The following MARCHF3 variants were observed in gnomAD, a reference collection of about 807,000 sequenced individuals.
MARCHF3 encodes E3 ubiquitin-protein ligase MARCHF3.
A neutral mutation model predicts 24.2 loss-of-function variants in MARCHF3; 13 were observed. The observed-to-expected ratio is 0.54, with a 90% CI of 0.35 to 0.85. MARCHF3 has a LOEUF of 0.85. MARCHF3 is among the 40% of genes least tolerant of loss of function. MARCHF3 has a pLI of 0.01. For missense variants in MARCHF3, 276 were observed against 325.0 expected (o/e 0.85, Z 1.16); for synonymous variants, 144 against 137.3 (o/e 1.05, Z -0.34).
chr5:126,895,791 T>A (rs13163419), intron 3 of MARCHF3, among the ~76,000 whole-genome samples: 1 of 152,076 alleles, frequency 6.6e-6, no homozygotes, highest in African/African-American at 2.4e-5. Flanking sequence ...CCCCCAGAGG[T>A]GGAGCCTACA....
intron 1 of MARCHF3, among the ~76,000 whole-genome samples, chr5:126,977,849 A>C (rs898402442): frequency 2.0e-5 from 3 of 152,274 alleles, no homozygotes; most frequent in Middle Eastern, 3.2e-3. Context: ...GGATGCCTTC[A>C]ATGTATTAAG....
chr5:127,018,123 C>T (rs2126861744), intron 1 of MARCHF3, among the ~76,000 whole-genome samples: 1 of 152,342 alleles, frequency 6.6e-6, no homozygotes, highest in East Asian at 1.9e-4. Flanking sequence ...GCAATCCCAG[C>T]ACTTTGGGAG....
intron 3 of MARCHF3, among the ~76,000 whole-genome samples, chr5:126,894,722 T>G (rs1377270433): frequency 3.9e-5 from 6 of 152,060 alleles, no homozygotes; most frequent in African/African-American, 1.4e-4. Context: ...CCCTTAAGAT[T>G]TTTTCCTTCA....
chr5:126,921,029 A>T (rs780385497), intron 1 of MARCHF3, among the ~76,000 whole-genome samples: 5 of 151,530 alleles, frequency 3.3e-5, no homozygotes, highest in African/African-American at 4.9e-5. Context: ...CTCTTGGGCC[A>T]TATCTGCAGA....
At chr5:126,885,558 G>T (rs1051553713) in intron 3 of MARCHF3, among the ~76,000 whole-genome samples, 2 of 151,648 alleles carry the variant, frequency 1.3e-5, no homozygotes, top group African/African-American at 4.8e-5. Context: ...CAAGAGTGTT[G>T]ATTTAAAAAA....
At chr5:127,021,787 G>A (rs1008409330) in intron 1 of MARCHF3, among the ~76,000 whole-genome samples, 30 of 152,086 alleles carry the variant, frequency 2.0e-4, no homozygotes, top group African/African-American at 6.0e-4. Context: ...AGAAAAACCC[G>A]AAACTCACTG....
intron 3 of MARCHF3, among the ~76,000 whole-genome samples, chr5:126,890,012 G>A (rs924622157): frequency 2.0e-5 from 3 of 152,178 alleles, no homozygotes; most frequent in Middle Eastern, 3.4e-3. Context: ...ATCTAGATTA[G>A]TAGCATCCTC....
intron 1 of MARCHF3, among the ~76,000 whole-genome samples, chr5:126,964,496 T>C (rs1750739901): frequency 6.6e-6 from 1 of 152,214 alleles, no homozygotes; most frequent in African/African-American, 2.4e-5. Context: ...AAAATGGTCT[T>C]TAAATGGAAG....
At chr5:126,973,755 C>T (rs1751097712) in intron 1 of MARCHF3, among the ~76,000 whole-genome samples, 1 of 152,118 alleles carries the variant, frequency 6.6e-6, no homozygotes, top group African/African-American at 2.4e-5. Context: ...TTTTGTAGTT[C>T]ATCACCATCC....
intron 1 of MARCHF3, among the ~76,000 whole-genome samples, chr5:126,995,087 C>T (rs1418332968): frequency 6.6e-6 from 1 of 152,208 alleles, no homozygotes; most frequent in Non-Finnish European, 1.5e-5. Context: ...CTCTCCCAGT[C>T]CACTGACTCA....
chr5:126,903,356 A>G (rs992966013), intron 3 of MARCHF3, among the ~76,000 whole-genome samples: 2 of 152,072 alleles, frequency 1.3e-5, no homozygotes, highest in Non-Finnish European at 2.9e-5. Context: ...ATCCAACACA[A>G]TGCACTTATG....
In MARCHF3 at chr5:126,918,208, C is replaced by G; in HGVS notation, c.-37G>C. ...GCAATTACTCTGCTAATGGCTTCCACATTCATACAGGATTTCCATCTAAGA... is the reference window on the plus strand; with the variant it reads ...GCAATTACTCTGCTAATGGCTTCCAGATTCATACAGGATTTCCATCTAAGA... On this transcript the variant is annotated 5_prime_UTR_variant, in exon 2 of 5. It removes an upstream start codon present in the reference 5' UTR. Coordinates refer to ENST00000308660, the MANE Select transcript of MARCHF3 (RefSeq NM_178450.5). 6.3e-7 allele frequency: 1 copy of G among 1,586,704 alleles called. No individual in the cohort carries two copies. The highest frequency in any genetic ancestry group is 2.2e-5 in the East Asian group (1 of 44,468).
intron 3 of MARCHF3, among the ~76,000 whole-genome samples, chr5:126,911,862 A>G (rs1298912017): frequency 6.6e-6 from 1 of 152,246 alleles, no homozygotes; most frequent in African/African-American, 2.4e-5. Context: ...ATTGTACGCC[A>G]TACAGTATAT....
intron 4 of MARCHF3, among the ~76,000 whole-genome samples, chr5:126,872,173 A>G (rs1752998469): frequency 7.6e-6 from 1 of 131,840 alleles, no homozygotes; most frequent in South Asian, 2.6e-4. Context: ...TCTGTCTCCC[A>G]GGTTCAAGCG....
intron 4 of MARCHF3, among the ~76,000 whole-genome samples, chr5:126,874,306 G>A (rs1314425495): frequency 2.6e-5 from 4 of 152,212 alleles, no homozygotes; most frequent in Non-Finnish European, 5.9e-5. Context: ...CACAGCAGGC[G>A]GCCTGGTGCA....
At chr5:126,889,643 A>C (rs1753613683) in intron 3 of MARCHF3, among the ~76,000 whole-genome samples, 1 of 152,016 alleles carries the variant, frequency 6.6e-6, no homozygotes, top group Non-Finnish European at 1.5e-5. Context: ...AAACAGAGGA[A>C]CTCTTGGATT....
intron 3 of MARCHF3, among the ~76,000 whole-genome samples, chr5:126,890,281 G>T (rs533928128): frequency 6.6e-6 from 1 of 151,008 alleles, no homozygotes; most frequent in African/African-American, 2.4e-5. Context: ...TGAGGTAATG[G>T]TATGTTTTCT....
intron 1 of MARCHF3, among the ~76,000 whole-genome samples, chr5:127,009,699 A>C (rs1177621104): frequency 3.3e-5 from 5 of 152,030 alleles, no homozygotes; most frequent in Admixed American, 3.3e-4. Flanking sequence ...ACCAGCCAAC[A>C]CTCTGCCCCC....
intron 1 of MARCHF3, among the ~76,000 whole-genome samples, chr5:127,025,475 T>TCTTTTTACTGGAGGTATTTTTACCAC (rs1307779048): frequency 6.6e-6 from 1 of 152,146 alleles, no homozygotes; most frequent in Non-Finnish European, 1.5e-5. Context: ...TACCACCCTG[T>TCTTTTTACTGGAGGTATTTTTACCAC]CTGGCATTTT....
Sources: allele counts gnomAD v4.1 joint callset (sites outside exome capture counted in the v4.1 genomes callset), GRCh38; gene constraint gnomAD v4.1.1; transcripts MANE v1.5; gene names NCBI Gene and HGNC (gene_info 2026-07-23, HGNC 2026-07-21).